MSN: variants seen among roughly 807,000 people sequenced by gnomAD.
MSN encodes epididymis luminal protein 70.
A neutral mutation model predicts 48.0 loss-of-function variants in MSN; 2 were observed. That is an observed-to-expected ratio of 0.04 (90% confidence interval 0.02 to 0.13). The LOEUF (loss-of-function observed/expected upper bound fraction) is 0.13. Ranked by LOEUF, MSN falls within the 10% of genes least tolerant of loss-of-function variation. MSN has a pLI of 1.00. For synonymous variants in MSN, 146 were observed against 166.9 expected, an observed-to-expected ratio of 0.87 and a Z score of 0.97; for missense variants, 267 against 470.1, an observed-to-expected ratio of 0.57 and a Z score of 3.99.
chrX:65,649,537 CTG>C (rs1301070030), intron 1 of MSN, among the ~76,000 whole-genome samples: 11 of 101,073 alleles, frequency 1.1e-4, no homozygotes, highest in Admixed American at 4.4e-4. Flanking sequence ...GATCATGCCA[CTG>C]TGCTCCAGCC....
chrX:65,659,362 C>T (rs184338347), intron 1 of MSN, among the ~76,000 whole-genome samples: 31 of 111,335 alleles, frequency 2.8e-4, no homozygotes, highest in Non-Finnish European at 1.3e-4. Context: ...CCATTTTGGC[C>T]AGGCTGGTCT....
intron 11 of MSN, 54 bp from the exon 12 acceptor site, chrX:65,738,916 C>T: frequency 8.6e-7 from 1 of 1,165,774 alleles, no homozygotes. Context: ...ATACAGGATG[C>T]CACAGTTTAA....
At chrX:65,589,444 C>T (rs904329185) in intron 1 of MSN, among the ~76,000 whole-genome samples, 4 of 112,072 alleles carry the variant, frequency 3.6e-5, no homozygotes, top group African/African-American at 1.3e-4. Context: ...TGGCCAGTCA[C>T]CGTGACCACA....
intron 1 of MSN, among the ~76,000 whole-genome samples, chrX:65,641,550 GTATATATATATATATA>G (rs1168302693): frequency 0.25 from 3,820 of 15,378 alleles, 436 homozygotes; most frequent in Non-Finnish European, 0.35. Context: ...AAAAAGTGAA[GTATATATATATATATA>G]TATATATATA....
intron 1 of MSN, among the ~76,000 whole-genome samples, chrX:65,636,774 AC>A (rs2070604804): frequency 3.1e-5 from 3 of 96,703 alleles, no homozygotes; most frequent in African/African-American, 1.3e-4. Context: ...AAAAAAAAAA[AC>A]CAGAAAGAAA....
In MSN at chrX:65,605,229, A is replaced by G. The variant is rs1401515652; in HGVS notation, c.-22+16617A>G. On this transcript the variant is annotated intron_variant, in intron 1 of 3. Transcript: ENST00000609672. ...CATTGCCACTCCAAAGCTTGTTCCT[A>G]CACAATCTTTCCTGCCAAAGAAACA... Among the ~76,000 whole-genome samples the G allele has an allele frequency of 3.5e-5, 4 of 112,815 alleles. No homozygotes were observed. In the East Asian group the frequency reaches 1.1e-3, roughly 31 times the overall value.
chrX:65,687,748 G>C (rs2071129281), intron 1 of MSN, among the ~76,000 whole-genome samples: 2 of 111,811 alleles, frequency 1.8e-5, no homozygotes. Flanking sequence ...ATCCTTCAAA[G>C]ATCGGAGGTT....
intron 2 of MSN, among the ~76,000 whole-genome samples, chrX:65,722,489 G>A (rs1431276306): frequency 9.1e-6 from 1 of 109,414 alleles, no homozygotes; most frequent in Non-Finnish European, 1.9e-5. Context: ...GTGCAGTGGT[G>A]TGATCTCACT....
chrX:65,620,142 A>G (rs2070422364), intron 1 of MSN, among the ~76,000 whole-genome samples: 1 of 112,379 alleles, frequency 8.9e-6, no homozygotes, highest in Admixed American at 9.4e-5. Context: ...AAGTCTGCAG[A>G]GGTTACTGCT....
At chrX:65,686,369 T>C (rs976825945) in intron 1 of MSN, among the ~76,000 whole-genome samples, 1 of 112,330 alleles carries the variant, frequency 8.9e-6, no homozygotes, top group Non-Finnish European at 1.9e-5. Context: ...CCTTTAATCC[T>C]GGAACCTCTG....
At chrX:65,695,535 C>CAAA (rs1476659866) in intron 1 of MSN, among the ~76,000 whole-genome samples, 1 of 64,486 alleles carries the variant, frequency 1.6e-5, no homozygotes, top group African/African-American at 7.5e-5. Flanking sequence ...AAAAAAAAAA[C>CAAA]AAAGAAAGAA....
chrX:65,678,367 C>G (rs2071022478), intron 1 of MSN, among the ~76,000 whole-genome samples: 1 of 111,520 alleles, frequency 9.0e-6, no homozygotes, highest in Admixed American at 9.6e-5. Flanking sequence ...ACCCTGCTTT[C>G]TTATCTCCCT....
At chrX:65,622,665 C>G (rs1193484181) in intron 1 of MSN, among the ~76,000 whole-genome samples, 3 of 108,978 alleles carry the variant, frequency 2.8e-5, no homozygotes. Context: ...TACAGGTGCA[C>G]ACCCCTACAC....
intron 1 of MSN, among the ~76,000 whole-genome samples, chrX:65,691,176 G>A (rs2071168838): frequency 8.9e-6 from 1 of 111,900 alleles, no homozygotes; most frequent in African/African-American, 3.3e-5. Flanking sequence ...ACTAGGTGGG[G>A]AACCCCTTGA....
chrX:65,635,258 GT>G (rs1198631289), intron 1 of MSN, among the ~76,000 whole-genome samples: 2 of 110,269 alleles, frequency 1.8e-5, no homozygotes, highest in Non-Finnish European at 3.8e-5. Context: ...CTCTCCTTTT[GT>G]TTTTTGATGT....
intron 1 of MSN, among the ~76,000 whole-genome samples, chrX:65,619,647 G>A (rs188712815): frequency 2.9e-4 from 30 of 104,998 alleles, no homozygotes; most frequent in Non-Finnish European, 5.7e-5. Context: ...TTTGCCTTTG[G>A]TTTGAATGTC....
At chrX:65,635,982 C>A (rs887019293) in intron 1 of MSN, among the ~76,000 whole-genome samples, 6 of 112,041 alleles carry the variant, frequency 5.4e-5, no homozygotes, top group African/African-American at 1.9e-4. Context: ...CCAGAGAGGG[C>A]ACTATTAATA....
intron 1 of MSN, among the ~76,000 whole-genome samples, chrX:65,635,707 T>G (rs935635097): frequency 5.4e-5 from 6 of 112,138 alleles, no homozygotes; most frequent in African/African-American, 1.9e-4. Flanking sequence ...TATTCTTCCT[T>G]AGCTTCCACC....
chrX:65,735,771 C>T (rs1194595714), intron 8 of MSN, among the ~76,000 whole-genome samples: 1 of 112,127 alleles, frequency 8.9e-6, no homozygotes, highest in Non-Finnish European at 1.9e-5. Context: ...GACCAAAAAT[C>T]TCTGCTTTTG....
Sources: allele counts gnomAD v4.1 joint callset (sites outside exome capture counted in the v4.1 genomes callset), GRCh38; gene constraint gnomAD v4.1.1; transcripts MANE v1.5; gene names NCBI Gene and HGNC (gene_info 2026-07-23, HGNC 2026-07-21).